SLC66A3: variants seen among roughly 807,000 people sequenced by gnomAD.
SLC66A3 encodes the protein PQ loop repeat containing 3.
A neutral mutation model predicts 25.5 loss-of-function variants in SLC66A3; 23 were observed. The observed-to-expected ratio is 0.90, with a 90% CI of 0.65 to 1.28. The LOEUF (loss-of-function observed/expected upper bound fraction) is 1.28, where lower values mean the gene tolerates loss of function less well. SLC66A3 is among the 50% of genes most tolerant of loss of function. The pLI, the probability that SLC66A3 is intolerant of heterozygous loss-of-function variation, is 0.00. For missense variants in SLC66A3, 246 were observed against 262.1 expected, an observed-to-expected ratio of 0.94 and a Z score of 0.42; for synonymous variants, 108 against 112.6, an observed-to-expected ratio of 0.96 and a Z score of 0.26.
chr2:11,168,600 G>C (rs955782355), intron 4 of SLC66A3, among the ~76,000 whole-genome samples: 3 of 151,942 alleles, frequency 2.0e-5, no homozygotes, highest in African/African-American at 7.3e-5. Flanking sequence ...CCGACTCCTC[G>C]CCACCCCGCC....
rs1292683418 is a variant in SLC66A3, at chr2:11,178,292, T to TTTAA, written c.*467_*470dup. ...TAGGGTTCACTTTCTGGGACTGATG[T>TTTAA]TTAATTGTAACACAGATACAACAGG... is the stretch of plus-strand genomic sequence containing the variant. On this transcript the variant is annotated 3_prime_UTR_variant, in exon 7 of 7. Transcript: ENST00000295083. 6.4e-6 allele frequency: 1 copy of TTTAA among 156,638 alleles called. No individual in the cohort carries two copies. Among genetic ancestry groups the TTTAA allele is most frequent in the Non-Finnish European group, 1.4e-5 (1 of 70,978 alleles). The allele number at this position is 156,638 out of a possible 1,614,324, so 9.7% of individuals were successfully genotyped here.
At chr2:11,159,831 T>C (rs11891302) in intron 1 of SLC66A3, among the ~76,000 whole-genome samples, 7 of 151,978 alleles carry the variant, frequency 4.6e-5, no homozygotes, top group African/African-American at 1.7e-4. Flanking sequence ...CTTCTGAGAA[T>C]GTGGGACCCT....
At position 11,172,658 on chromosome 2, in the gene SLC66A3, CTCCA is replaced by C. The variant is rs1296804982; in HGVS notation, c.475+619_475+622del. 9.3e-5 allele frequency: 31 copies of C among 332,358 alleles called. No individual in the cohort carries two copies. In the East Asian group the frequency reaches 2.9e-3, roughly 31 times the overall value. The allele number at this position is 332,358 out of a possible 1,614,324, so 20.6% of individuals were successfully genotyped here. ...CTTCTGCATCTTAAAGGGCTAATGTCTCCATCCATGGTTGCTGGTCTTTATATTC... is the reference window on the plus strand; with the variant it reads ...CTTCTGCATCTTAAAGGGCTAATGTCTCCATGGTTGCTGGTCTTTATATTC... On this transcript the variant is annotated intron_variant, in intron 5 of 6. Transcript: ENST00000295083.
At chr2:11,169,837 C>CTTTTTTTTTTTTTTT (rs1186098636) in intron 4 of SLC66A3, among the ~76,000 whole-genome samples, 1 of 89,048 alleles carries the variant, frequency 1.1e-5, no homozygotes, top group Admixed American at 1.4e-4. Flanking sequence ...GGATTTCTCT[C>CTTTTTTTTTTTTTTT]TTTTTTTTTT....
chr2:11,176,107 A>G (rs1438251592), intron 6 of SLC66A3, among the ~76,000 whole-genome samples: 1 of 152,238 alleles, frequency 6.6e-6, no homozygotes. Flanking sequence ...AGTAAACAGC[A>G]AAACCTATAC....
At chr2:11,166,587 G>C (rs373747728) in intron 4 of SLC66A3, among the ~76,000 whole-genome samples, 2 of 152,312 alleles carry the variant, frequency 1.3e-5, no homozygotes, top group African/African-American at 4.8e-5. Context: ...TTCAGTACGT[G>C]TATGTCCAAA....
chr2:11,162,384 A>C (rs1662159783), intron 3 of SLC66A3, among the ~76,000 whole-genome samples: 1 of 152,204 alleles, frequency 6.6e-6, no homozygotes, highest in Non-Finnish European at 1.5e-5. Context: ...AGATGAAAAG[A>C]GTTACATAAT....
At chr2:11,177,211 G>C (rs1662785993) in intron 6 of SLC66A3, among the ~76,000 whole-genome samples, 2 of 152,138 alleles carry the variant, frequency 1.3e-5, no homozygotes, top group Non-Finnish European at 2.9e-5. Flanking sequence ...TGTAATCCCA[G>C]CACTTTGGGA....
intron 4 of SLC66A3, 140 bp from the exon 5 acceptor site, chr2:11,171,785 G>A (rs1324936085): frequency 1.5e-5 from 11 of 748,276 alleles, no homozygotes; most frequent in Non-Finnish European, 2.4e-5. Flanking sequence ...AGCCAGGATG[G>A]TCTCGATCTC....
At chr2:11,163,428 G>A (rs1376737803) in intron 3 of SLC66A3, among the ~76,000 whole-genome samples, 1 of 152,236 alleles carries the variant, frequency 6.6e-6, no homozygotes. Flanking sequence ...TGATCAGGCT[G>A]TGAGTATTTA....
chr2:11,160,860 C>A, intron 3 of SLC66A3, 166 bp downstream of exon 3: 1 of 1,132,470 alleles, frequency 8.8e-7, no homozygotes, highest in East Asian at 2.6e-5. Flanking sequence ...CAGAGATGCC[C>A]TCAGTACAGC....
At chr2:11,157,540 G>T (rs984429493) in intron 1 of SLC66A3, among the ~76,000 whole-genome samples, 6 of 121,310 alleles carry the variant, frequency 4.9e-5, no homozygotes, top group Non-Finnish European at 1.1e-4. Context: ...ATGCTTGCCA[G>T]CTGGGCCCCC....
chr2:11,169,008 C>T (rs1037817121), intron 4 of SLC66A3, among the ~76,000 whole-genome samples: 20 of 152,244 alleles, frequency 1.3e-4, no homozygotes, highest in African/African-American at 3.9e-4. Context: ...CAGGCACACG[C>T]CACCACGCCT....
intron 4 of SLC66A3, among the ~76,000 whole-genome samples, chr2:11,165,336 C>T (rs901621891): frequency 1.3e-5 from 2 of 150,546 alleles, no homozygotes; most frequent in African/African-American, 5.0e-5. Context: ...CCCCACATCT[C>T]AGACGATGGG....
intron 4 of SLC66A3, 44 bp downstream of exon 4, chr2:11,164,305 T>G (rs1662227287): frequency 1.2e-6 from 1 of 863,042 alleles, no homozygotes; most frequent in Non-Finnish European, 1.7e-6. Flanking sequence ...ATAAGCTACC[T>G]TGGAGAGAAC....
chr2:11,160,891 C>A, intron 3 of SLC66A3, 197 bp downstream of exon 3: 1 of 885,048 alleles, frequency 1.1e-6, no homozygotes, highest in Non-Finnish European at 1.7e-6. Flanking sequence ...CCTCCGAGAC[C>A]AGCATGCCCT....
At chr2:11,157,633 C>T (rs1483529260) in intron 1 of SLC66A3, among the ~76,000 whole-genome samples, 2 of 152,254 alleles carry the variant, frequency 1.3e-5, no homozygotes, top group East Asian at 1.9e-4. Context: ...CTGGAGGGCA[C>T]GGGCCCTCTT....
intron 1 of SLC66A3, among the ~76,000 whole-genome samples, chr2:11,158,912 A>G (rs1478179525): frequency 6.6e-6 from 1 of 152,214 alleles, no homozygotes; most frequent in East Asian, 1.9e-4. Flanking sequence ...ATCCCAGGGA[A>G]AGCAGGGAGT....
rs1276647095 is a variant in SLC66A3, at chr2:11,177,739, C to A, written c.520C>A (p.Leu174Ile). 6.3e-6 allele frequency: 10 copies of A among 1,593,934 alleles called. No homozygotes were observed. In the Admixed American group the frequency reaches 8.5e-5, roughly 14 times the overall value. ...TLMTTNDFTI[L>I]LRFVIMLALN... ...ATACACTTTTTTTTTTATTTCAGTT[C>A]TTCTACGTTTTGTGATCATGCTGGC... Residue 174 changes from leucine to isoleucine, a missense_variant and splice_region_variant, in exon 7 of 7, where the codon CTT (leucine) becomes ATT (isoleucine). By Grantham distance (5) the Leu-to-Ile change is conservative. This residue lies in a region of SLC66A3 where 93 missense variants were observed against 102.6 expected (regional missense o/e 0.91). Coordinates refer to ENST00000295083, the MANE Select transcript of SLC66A3 (RefSeq NM_152391.5).
Sources: gnomAD v4.1 joint callset for allele counts (sites outside exome capture counted in the v4.1 genomes callset) on GRCh38, gnomAD v4.1.1 for gene constraint, gnomAD v4.1.1 regional missense constraint, MANE v1.5 for transcripts, NCBI Gene and HGNC (gene_info 2026-07-23, HGNC 2026-07-21) for gene names.